CTU1: variants seen among roughly 807,000 people sequenced by gnomAD.
The protein encoded by CTU1 is cytosolic thiouridylase subunit 1, also known as cytoplasmic tRNA 2-thiolation protein 1.
A neutral mutation model predicts 12.9 loss-of-function variants in CTU1; 15 were observed. The observed-to-expected ratio is 1.16, with a 90% CI of 0.78 to 1.79. CTU1 has a LOEUF of 1.79. CTU1 is among the 40% of genes most tolerant of loss of function. CTU1 has a pLI of 0.00. For synonymous variants in CTU1, 295 were observed against 275.6 expected (o/e 1.07, Z -0.70); for missense variants, 553 against 550.5 (o/e 1.00, Z -0.05).
In CTU1 at chr19:51,104,512, G is replaced by A; in HGVS notation, c.58C>T (p.Leu20Phe). 1 of 1,278,040 alleles carries A rather than the reference G, an allele frequency of 7.8e-7. No homozygotes were observed. The highest frequency in any genetic ancestry group is 2.7e-5 in the South Asian group (1 of 37,722). The allele number at this position is 1,278,040 out of a possible 1,614,324, so 79.2% of individuals were successfully genotyped here. ...HAARAALRRPLSGQALCGACF... is the reference protein window; with the variant it reads ...HAARAALRRPFSGQALCGACF... ...GCACCGCACAGCGCTTGGCCCGAGA[G>A]CGGACGGCGGAGGGCGGCGCGTGCA... The change falls in exon 2 of 3, where the codon CTC (leucine) becomes TTC (phenylalanine). Residue 20 changes from leucine to phenylalanine, a missense_variant. Transcript: ENST00000421832.
intron 2 of CTU1, among the ~76,000 whole-genome samples, chr19:51,103,412 C>A (rs183405045): frequency 6.6e-6 from 1 of 151,980 alleles, no homozygotes; most frequent in Non-Finnish European, 1.5e-5. Flanking sequence ...GGTGAAACCC[C>A]GTCTCTACTA....
Position 51,100,065 on chromosome 19 carries a change from T to C in CTU1, c.509-926A>G, listed in dbSNP as rs116205022. 4.5e-3 allele frequency among the ~76,000 whole-genome samples: 676 copies of C among 151,216 alleles called. 5 individuals carry two copies. The highest frequency in any genetic ancestry group is 0.016 in the African/African-American group (639 of 41,172). On this transcript the variant is annotated intron_variant, in intron 2 of 2. Transcript: ENST00000421832. ...GAGCCATGGAGCCCCTCTGGCACCATAGGACAGCCAGGACCCAGAGACCGG... is the reference window on the plus strand; with the variant it reads ...GAGCCATGGAGCCCCTCTGGCACCACAGGACAGCCAGGACCCAGAGACCGG...
rs547478127 is a variant in CTU1, at chr19:51,105,659, T to G, written c.-21-1069A>C. On this transcript the variant is annotated intron_variant, in intron 1 of 2. Coordinates refer to ENST00000421832, the MANE Select transcript of CTU1 (RefSeq NM_145232.4). ...TAACTTCTATGAGGGCAGAGACCAG[T>G]ACCACTCAGATGTCTAATAGGCATC... 4.6e-5 allele frequency among the ~76,000 whole-genome samples: 7 copies of G among 152,344 alleles called. 1 individual carries two copies. In the South Asian group the frequency reaches 1.5e-3, roughly 32 times the overall value.
chr19:51,099,236 A>G lies in CTU1; in HGVS notation c.509-97T>C. 3.5e-6 allele frequency: 4 copies of G among 1,128,904 alleles called. No individual in the cohort carries two copies. In the South Asian group the frequency reaches 4.4e-5, roughly 12 times the overall value. The allele number at this position is 1,128,904 out of a possible 1,614,324, so 69.9% of individuals were successfully genotyped here. A position where few individuals can be genotyped will look rare whatever the true frequency, so the allele number is the denominator to read the frequency against. The stretch of plus-strand genomic sequence containing the variant: ...ACCAAGGGTCCACCAGGACCCAGAG[A>G]GAGACTGGGAGGAGAGACCCACGGA... On this transcript the variant is annotated intron_variant, in intron 2 of 2. Coordinates refer to ENST00000421832, the MANE Select transcript of CTU1 (RefSeq NM_145232.4).
chr19:51,100,801 T>G (rs2091905543), intron 2 of CTU1, among the ~76,000 whole-genome samples: 1 of 152,194 alleles, frequency 6.6e-6, no homozygotes, highest in Non-Finnish European at 1.5e-5. Context: ...TAAATCTGTG[T>G]TGTTTAAAGC....
In CTU1 at chr19:51,104,263, G is replaced by C. The variant is rs1467129567; in HGVS notation, c.307C>G (p.Arg103Gly). 5 of 1,506,480 alleles carry C rather than the reference G, an allele frequency of 3.3e-6. No homozygotes were observed. Among genetic ancestry groups the C allele is most frequent in the South Asian group, 2.4e-5 (2 of 82,230 alleles). 93.3% of individuals were successfully genotyped at this position (1,506,480 alleles called of 1,614,324 possible). A position where few individuals can be genotyped will look rare whatever the true frequency, so the allele number is the denominator to read the frequency against. Residue 103 changes from arginine (R) to glycine (G), a missense_variant, in exon 2 of 3, where the codon CGG becomes GGG. Physicochemically the swap from Arg to Gly is moderately radical, Grantham distance 125. Coordinates refer to ENST00000421832, the MANE Select transcript of CTU1 (RefSeq NM_145232.4). ...GYRDAALAAV[R>G]RQAARWELPL... The stretch of plus-strand genomic sequence containing the variant: ...AGCTCCCAGCGCGCCGCCTGGCGCC[G>C]CACGGCCGCCAACGCCGCGTCCCGG...
At position 51,098,519 on chromosome 19, in the gene CTU1, A is replaced by C; in HGVS notation, c.*82T>G. 8.7e-7 allele frequency: 1 copy of C among 1,143,288 alleles called. No individual in the cohort carries two copies. Among genetic ancestry groups the C allele is most frequent in the Non-Finnish European group, 1.1e-6 (1 of 917,864 alleles). 70.8% of individuals were successfully genotyped at this position (1,143,288 alleles called of 1,614,324 possible). On this transcript the variant is annotated 3_prime_UTR_variant, in exon 3 of 3. Transcript: ENST00000421832. This position sits in a 1 kb window ranked among gnomAD's most constrained non-coding sequence, Gnocchi z 4.3. ...CCCAACCCCACATGGAAGGCCAGGT[A>C]AGGTAACGGGTTTATTCACAGTGTC...
At position 51,104,059 on chromosome 19, in the gene CTU1, C is replaced by T; in HGVS notation, c.508+3G>A. The T allele has an allele frequency of 6.9e-7, 1 of 1,449,664 alleles. No individual in the cohort carries two copies. The highest frequency in any genetic ancestry group is 1.5e-5 in the South Asian group (1 of 68,160). The allele number at this position is 1,449,664 out of a possible 1,614,324, so 89.8% of individuals were successfully genotyped here. A position where few individuals can be genotyped will look rare whatever the true frequency, so the allele number is the denominator to read the frequency against. ...GCCGCTCTGCGGCCCGTACTACGCT[C>T]ACCTGTCACGATGTGCGTGGCTCCC... On this transcript the variant is annotated splice_donor_region_variant and intron_variant, in intron 2 of 2. Coordinates refer to ENST00000421832, the MANE Select transcript of CTU1 (RefSeq NM_145232.4).
intron 1 of CTU1, among the ~76,000 whole-genome samples, chr19:51,106,085 C>G (rs1418751464): frequency 6.6e-6 from 1 of 152,212 alleles, no homozygotes; most frequent in African/African-American, 2.4e-5. Context: ...TGCCCTGAAT[C>G]TTCTCAGCAT....
At chr19:51,103,437 T>C (rs1397368473) in intron 2 of CTU1, among the ~76,000 whole-genome samples, 1 of 151,822 alleles carries the variant, frequency 6.6e-6, no homozygotes, top group African/African-American at 2.4e-5. Context: ...TACAAAAAAT[T>C]AGCTGGGCGT....
rs1568603402 is a variant in CTU1, at chr19:51,098,908, T to TGGCCGCGGAAGGCCTCGGGCGC, written c.718_739dup (p.His247ArgfsTer231). 5 of 1,513,492 alleles carry TGGCCGCGGAAGGCCTCGGGCGC rather than the reference T, an allele frequency of 3.3e-6. No homozygotes were observed. The Admixed American group carries it at 5.6e-5, about 17-fold the overall frequency. 93.8% of individuals were successfully genotyped at this position (1,513,492 alleles called of 1,614,324 possible). On this transcript the variant is annotated frameshift_variant, in exon 3 of 3. Transcript: ENST00000421832. LOFTEE classifies it low-confidence loss of function (END_TRUNC). This position sits in a 1 kb window ranked among gnomAD's most constrained non-coding sequence, Gnocchi z 4.3. The stretch of plus-strand genomic sequence containing the variant: ...CAGGCGCTTGAGCAGGTCCCGGGCG[T>TGGCCGCGGAAGGCCTCGGGCGC]GGCCGCGGAAGGCCTCGGGCGCGTA...
intron 2 of CTU1, among the ~76,000 whole-genome samples, chr19:51,102,121 A>G (rs2091908509): frequency 6.6e-6 from 1 of 152,032 alleles, no homozygotes; most frequent in Non-Finnish European, 1.5e-5. Context: ...CTCCTGCCTC[A>G]GCCTCCCGTG....
rs1288753387 is a variant in CTU1 at position 51,098,416 on chromosome 19, G to A, written c.*185C>T. ...CCTCAGAGCCTGAAGCCCAGTTCGA[G>A]ACCCTTCTTCCCTGAGACCTCGAAG... is the stretch of plus-strand genomic sequence containing the variant. On this transcript the variant is annotated 3_prime_UTR_variant, in exon 3 of 3. Coordinates refer to ENST00000421832, the MANE Select transcript of CTU1 (RefSeq NM_145232.4). This position sits in a 1 kb window ranked among gnomAD's most constrained non-coding sequence, Gnocchi z 4.3. 4.1e-6 allele frequency: 2 copies of A among 487,134 alleles called. No homozygotes were observed. Among genetic ancestry groups the A allele is most frequent in the Middle Eastern group, 5.4e-4 (1 of 1,868 alleles). The allele number at this position is 487,134 out of a possible 1,614,324, so 30.2% of individuals were successfully genotyped here. A position where few individuals can be genotyped will look rare whatever the true frequency, so the allele number is the denominator to read the frequency against.
intron 2 of CTU1, among the ~76,000 whole-genome samples, chr19:51,103,509 C>T (rs1401830339): frequency 1.4e-5 from 2 of 147,584 alleles, no homozygotes; most frequent in Non-Finnish European, 3.0e-5. Flanking sequence ...GGCGTGAATC[C>T]GGGAGGCAGA....
At chr19:51,100,498 C>T (rs1456560819) in intron 2 of CTU1, among the ~76,000 whole-genome samples, 1 of 152,116 alleles carries the variant, frequency 6.6e-6, no homozygotes, top group Non-Finnish European at 1.5e-5. Context: ...GTAACCCCAG[C>T]TGAGGCATGA....
Position 51,099,367 on chromosome 19 carries a change from G to C in CTU1, c.509-228C>G, listed in dbSNP as rs73932812. On this transcript the variant is annotated intron_variant, in intron 2 of 2. Transcript: ENST00000421832. Reference sequence around the variant, plus strand: ...CATGGTGTGACAGCCAGGATCCAGAGACAGGGAGGGGGAGAGAGAGCCATG... The same window carrying C: ...CATGGTGTGACAGCCAGGATCCAGACACAGGGAGGGGGAGAGAGAGCCATG... Among the ~76,000 whole-genome samples the C allele has an allele frequency of 4.8e-3, 735 of 152,210 alleles. 11 individuals carry two copies. The highest frequency in any genetic ancestry group is 0.017 in the African/African-American group (715 of 41,534).
At chr19:51,105,916 G>A (rs2122800194) in intron 1 of CTU1, among the ~76,000 whole-genome samples, 1 of 152,310 alleles carries the variant, frequency 6.6e-6, no homozygotes, top group South Asian at 2.1e-4. Context: ...CTGTTTGAAT[G>A]TAGTTTCAAA....
Position 51,104,097 on chromosome 19 carries a change from C to T in CTU1, c.473G>A (p.Gly158Glu), listed in dbSNP as rs2091913556. 2 of 1,475,208 alleles carry T rather than the reference C, an allele frequency of 1.4e-6. No individual in the cohort carries two copies. The highest frequency in any genetic ancestry group is 1.8e-6 in the Non-Finnish European group (2 of 1,129,224). 91.4% of individuals were successfully genotyped at this position (1,475,208 alleles called of 1,614,324 possible). ...GVLRRRALEE[G>E]ARRVGATHIV... is the part of the protein sequence containing the mutation. ...GTGCGTGGCTCCCACGCGGCGCGCC[C>T]CTTCCTCCAGCGCCCGGCGCCGCAG... The change falls in exon 2 of 3, where the codon GGG becomes GAG. Residue 158 changes from glycine (G) to glutamate (E), a missense_variant. Gly to Glu is a moderately conservative substitution (Grantham distance 98). This residue lies in a region of CTU1 where 500 missense variants were observed against 458.5 expected (regional missense o/e 1.09). Transcript: ENST00000421832.
rs1387706705 is a variant in CTU1, at chr19:51,104,631, C to T, written c.-21-41G>A. On this transcript the variant is annotated intron_variant, in intron 1 of 2. Transcript: ENST00000421832. ...GAGGAGGTGGGTTACATATGGATTC[C>T]GGATTGCAGGGTCCCTGCCATCGGG... 1.2e-5 allele frequency: 14 copies of T among 1,211,652 alleles called. No homozygotes were observed. In the African/African-American group the frequency reaches 1.6e-4, roughly 14 times the overall value. The allele number at this position is 1,211,652 out of a possible 1,614,324, so 75.1% of individuals were successfully genotyped here.
Sources: allele counts gnomAD v4.1 joint callset (sites outside exome capture counted in the v4.1 genomes callset), GRCh38; gene constraint gnomAD v4.1.1; regional missense constraint gnomAD v4.1.1; non-coding constraint Gnocchi (gnomAD v3.1); transcripts MANE v1.5; gene names NCBI Gene and HGNC (gene_info 2026-07-23, HGNC 2026-07-21).